PCCA: variants seen among roughly 807,000 people sequenced by gnomAD.
PCCA encodes the protein propionyl-CoA carboxylase alpha chain, mitochondrial.
A neutral mutation model predicts 101.3 loss-of-function variants in PCCA; 74 were observed. The ratio of observed to expected loss-of-function variants is 0.73; its 90% CI spans 0.61 to 0.89. The LOEUF (loss-of-function observed/expected upper bound fraction) is 0.89, where lower values mean the gene tolerates loss of function less well. Ranked by LOEUF, PCCA falls within the 40% of genes least tolerant of loss-of-function variation. The pLI, the probability that PCCA is intolerant of heterozygous loss-of-function variation, is 0.00. For synonymous variants in PCCA, 294 were observed against 313.6 expected (o/e 0.94, Z 0.66); for missense variants, 891 against 907.0 (o/e 0.98, Z 0.23).
At chr13:100,118,828 C>T (rs2049081528) in intron 4 of PCCA, among the ~76,000 whole-genome samples, 2 of 152,070 alleles carry the variant, frequency 1.3e-5, no homozygotes, top group South Asian at 2.1e-4. Context: ...GGATTACAGG[C>T]GTGAGCCACC....
intron 20 of PCCA, among the ~76,000 whole-genome samples, chr13:100,445,691 T>G (rs2080776043): frequency 6.6e-6 from 1 of 152,218 alleles, no homozygotes; most frequent in African/African-American, 2.4e-5. Context: ...ACCTGGCTTA[T>G]TTTACTTAAT....
At chr13:100,507,989 A>ATT (rs1195231122) in intron 21 of PCCA, among the ~76,000 whole-genome samples, 1 of 151,120 alleles carries the variant, frequency 6.6e-6, no homozygotes, top group Non-Finnish European at 1.5e-5. Context: ...TTTTGGCACT[A>ATT]TTTTTTTTTA....
rs565206818 is a variant in PCCA at position 100,098,950 on chromosome 13, T to C, written c.106-3933T>C. On this transcript the variant is annotated intron_variant, in intron 1 of 23. Coordinates refer to ENST00000376285, the MANE Select transcript of PCCA (RefSeq NM_000282.4). ...GAGAAGGGCATGGGCTCTGTTACAA[T>C]GCATGATGAAATACCGTGTCATAAT... Among the ~76,000 whole-genome samples, 20 of 152,248 alleles carry C rather than the reference T, an allele frequency of 1.3e-4. 1 individual carries two copies. The East Asian group carries it at 3.9e-3, about 29-fold the overall frequency.
At chr13:100,103,064 C>A in intron 2 of PCCA, 104 bp downstream of exon 2, 1 of 767,358 alleles carries the variant, frequency 1.3e-6, no homozygotes, top group Non-Finnish European at 2.3e-6. Flanking sequence ...TTTGTTAAGG[C>A]TGTGTGGTCA....
At chr13:100,473,035 C>G (rs1414429946) in intron 21 of PCCA, 2 of 152,108 alleles carry the variant, frequency 1.3e-5, no homozygotes, top group Non-Finnish European at 2.9e-5. Flanking sequence ...GTGACCAAAT[C>G]TTTAAGTCTG....
At chr13:100,458,139 C>T (rs2081883731) in intron 21 of PCCA, among the ~76,000 whole-genome samples, 1 of 152,060 alleles carries the variant, frequency 6.6e-6, no homozygotes, top group African/African-American at 2.4e-5. Context: ...AACTTTCAAT[C>T]CAAGCATAAG....
At chr13:100,206,780 C>CCTA (rs1381394163) in intron 6 of PCCA, among the ~76,000 whole-genome samples, 9 of 152,118 alleles carry the variant, frequency 5.9e-5, no homozygotes. Context: ...GGTCCTAAGA[C>CCTA]CTAGGAGGGA....
At position 100,430,778 on chromosome 13, in the gene PCCA, C is replaced by T. The variant is rs546132260; in HGVS notation, c.1845+5047C>T. On this transcript the variant is annotated intron_variant, in intron 20 of 23. Coordinates refer to ENST00000376285, the MANE Select transcript of PCCA (RefSeq NM_000282.4). ...TGGGGCCTGTGCTTTCTCATTCCTG[C>T]ATGGCAAGGCCAGGTGGGTTTCTCT... 1.3e-3 allele frequency among the ~76,000 whole-genome samples: 195 copies of T among 152,298 alleles called. 1 individual carries two copies. The highest frequency in any genetic ancestry group is 4.5e-3 in the African/African-American group (189 of 41,550).
At chr13:100,368,027 A>G (rs536008257) in intron 18 of PCCA, among the ~76,000 whole-genome samples, 1 of 152,222 alleles carries the variant, frequency 6.6e-6, no homozygotes, top group South Asian at 2.1e-4. Context: ...CTTCTAATTG[A>G]CATCATGAAG....
rs2081922235 is a variant in PCCA at position 100,458,382 on chromosome 13, A to ACACACG, written c.1899+9082_1899+9087dup. On this transcript the variant is annotated intron_variant, in intron 21 of 23. Transcript: ENST00000376285. ...TCTCTACACACACACACACACACAC[A>ACACACG]CACACGCACATATACACACAGTGGG... Among the ~76,000 whole-genome samples, 5 of 145,476 alleles carry ACACACG rather than the reference A, an allele frequency of 3.4e-5. No individual in the cohort carries two copies. The East Asian group carries it at 6.0e-4, about 17-fold the overall frequency.
intron 22 of PCCA, among the ~76,000 whole-genome samples, chr13:100,517,590 G>A (rs1172804236): frequency 6.6e-6 from 1 of 152,182 alleles, no homozygotes; most frequent in Non-Finnish European, 1.5e-5. Flanking sequence ...TAAATTCAGA[G>A]TACCTGGGGG....
intron 7 of PCCA, among the ~76,000 whole-genome samples, chr13:100,210,137 C>T (rs1461603826): frequency 1.3e-5 from 2 of 151,748 alleles, no homozygotes; most frequent in African/African-American, 2.4e-5. Context: ...ACCACCACAC[C>T]TGACTAATTA....
intron 4 of PCCA, among the ~76,000 whole-genome samples, chr13:100,125,058 A>AT (rs2049814166): frequency 6.6e-6 from 1 of 152,162 alleles, no homozygotes. Context: ...TGATCCTCAA[A>AT]TAGGAGCAAA....
At chr13:100,095,131 C>T (rs1218275047) in intron 1 of PCCA, among the ~76,000 whole-genome samples, 1 of 152,208 alleles carries the variant, frequency 6.6e-6, no homozygotes, top group Non-Finnish European at 1.5e-5. Context: ...TCACTCCAGT[C>T]TCTGCCTCTG....
At position 100,347,730 on chromosome 13, in the gene PCCA, A is replaced by C. The variant is rs568350558; in HGVS notation, c.1643+7471A>C. 2.6e-5 allele frequency among the ~76,000 whole-genome samples: 4 copies of C among 152,294 alleles called. No individual in the cohort carries two copies. In the South Asian group the frequency reaches 8.3e-4, roughly 32 times the overall value. ...ATTATCTTTTAGAAGTTAGAAACAA[A>C]ATATGTATTTATGAAATATGTAGAC... On this transcript the variant is annotated intron_variant, in intron 18 of 23. Coordinates refer to ENST00000376285, the MANE Select transcript of PCCA (RefSeq NM_000282.4).
At chr13:100,319,684 C>T (rs1392047861) in intron 16 of PCCA, among the ~76,000 whole-genome samples, 1 of 152,170 alleles carries the variant, frequency 6.6e-6, no homozygotes. Flanking sequence ...TGTTCTGTTC[C>T]ATTGGTCCAT....
intron 21 of PCCA, among the ~76,000 whole-genome samples, chr13:100,512,668 C>T (rs1309203451): frequency 2.6e-5 from 4 of 152,212 alleles, no homozygotes; most frequent in Admixed American, 6.5e-5. Context: ...ACCCAGGCAG[C>T]GGGAAAACCT....
In PCCA at chr13:100,111,820, ATG is replaced by A. The variant is rs111778723; in HGVS notation, c.184-17_184-16del. 158,416 of 1,563,578 alleles carry A rather than the reference ATG, an allele frequency of 0.1. 9,092 individuals carry two copies. The highest frequency in any genetic ancestry group is 0.18 in the African/African-American group (13,383 of 73,828). ...GTTTAAAAGTAACAATTTCTAATGA[ATG>A]TGTTTTTTCTCTCTTCAGACTTTTG... On this transcript the variant is annotated intron_variant, in intron 2 of 23. Coordinates refer to ENST00000376285, the MANE Select transcript of PCCA (RefSeq NM_000282.4).
chr13:100,340,241 A>G lies in PCCA; in HGVS notation c.1625A>G (p.His542Arg). ...LFVAFQLRAQHFQENSRMPVI... is the reference protein window; with the variant it reads ...LFVAFQLRAQRFQENSRMPVI... ...GTGGCATTCCAGTTAAGAGCACAACATTTTCAAGAAAATTCAAGGTATGGT... is the reference window on the plus strand; with the variant it reads ...GTGGCATTCCAGTTAAGAGCACAACGTTTTCAAGAAAATTCAAGGTATGGT... Residue 542 changes from histidine to arginine, a missense_variant, in exon 18 of 24, where the codon CAT (histidine) becomes CGT (arginine). Coordinates refer to ENST00000376285, the MANE Select transcript of PCCA (RefSeq NM_000282.4). 6.3e-7 allele frequency: 1 copy of G among 1,589,514 alleles called. No homozygotes were observed. The highest frequency in any genetic ancestry group is 1.1e-5 in the South Asian group (1 of 90,568).
Sources: allele counts gnomAD v4.1 joint callset (sites outside exome capture counted in the v4.1 genomes callset), GRCh38; gene constraint gnomAD v4.1.1; transcripts MANE v1.5; gene names NCBI Gene and HGNC (gene_info 2026-07-23, HGNC 2026-07-21).